The following CHTF18 variants were observed in gnomAD, a reference collection of about 807,000 sequenced individuals.
CHTF18 encodes the protein chromosome transmission fidelity factor 18.
CHTF18 carries 151 observed loss-of-function variants against 113.4 expected under a neutral mutation model. The ratio of observed to expected loss-of-function variants is 1.33; its 90% CI spans 1.17 to 1.52. The LOEUF is 1.52. CHTF18 is among the 40% of genes most tolerant of loss of function. The pLI is 0.00. For missense variants in CHTF18, 1,982 were observed against 1,381.6 expected, an observed-to-expected ratio of 1.43 and a Z score of -6.89; for synonymous variants, 916 against 598.8, an observed-to-expected ratio of 1.53 and a Z score of -7.74.
chr16:791,781 C>A, intron 8 of CHTF18, 70 bp from the exon 9 acceptor site: 1 of 1,525,448 alleles, frequency 6.6e-7, no homozygotes, highest in Admixed American at 2.1e-5. Context: ...ATGTGGCAGT[C>A]CCTGGCTGCT....
chr16:795,475 C>T, intron 16 of CHTF18, 119 bp downstream of exon 16: 2 of 442,286 alleles, frequency 4.5e-6, no homozygotes, highest in Non-Finnish European at 7.4e-6. Context: ...TGTGGCTGCC[C>T]CCGGCCCCGT....
rs1333968564 is a variant in CHTF18 at position 789,934 on chromosome 16, G to C, written c.606+219G>C. ...GTTTGTATGGCCTCGGGTGGAGAGG[G>C]CCTCCTTGCTTCCCCTCCTGCTTTT... On this transcript the variant is annotated intron_variant, in intron 4 of 21. Coordinates refer to ENST00000262315, the MANE Select transcript of CHTF18 (RefSeq NM_022092.3). 4.7e-6 allele frequency: 7 copies of C among 1,493,258 alleles called. 1 individual carries two copies. The East Asian group carries it at 1.8e-4, about 38-fold the overall frequency. 92.5% of individuals were successfully genotyped at this position (1,493,258 alleles called of 1,614,324 possible). A position where few individuals can be genotyped will look rare whatever the true frequency, so the allele number is the denominator to read the frequency against.
At position 792,698 on chromosome 16, in the gene CHTF18, G is replaced by T; in HGVS notation, c.1479-20G>T. ...TGTGGTGCCAACCCTGGGGTCCCTG[G>T]CCCTGCCGCCTCTCCTCAGGTTCGC... On this transcript the variant is annotated intron_variant, in intron 11 of 21. Coordinates refer to ENST00000262315, the MANE Select transcript of CHTF18 (RefSeq NM_022092.3). 1 of 1,572,986 alleles carries T rather than the reference G, an allele frequency of 6.4e-7. No individual in the cohort carries two copies. The highest frequency in any genetic ancestry group is 8.6e-7 in the Non-Finnish European group (1 of 1,164,298).
rs1415750496 is a variant in CHTF18 at position 790,856 on chromosome 16, G to A, written c.894+190G>A. On this transcript the variant is annotated intron_variant, in intron 7 of 21. Coordinates refer to ENST00000262315, the MANE Select transcript of CHTF18 (RefSeq NM_022092.3). ...GTGCTACTGGTCCCCTGTGACCTGT[G>A]AGGCAGGCTAGGGGTCCAGGGTGTC... is the stretch of plus-strand genomic sequence containing the variant. 3 of 1,431,010 alleles carry A rather than the reference G, an allele frequency of 2.1e-6. No individual in the cohort carries two copies. The African/African-American group carries it at 4.3e-5, about 21-fold the overall frequency. The allele number at this position is 1,431,010 out of a possible 1,614,324, so 88.6% of individuals were successfully genotyped here. A position where few individuals can be genotyped will look rare whatever the true frequency, so the allele number is the denominator to read the frequency against.
In CHTF18 at chr16:796,987, G is replaced by A. The variant is rs775773074; in HGVS notation, c.2628G>A (p.Glu876=). 18 of 1,536,406 alleles carry A rather than the reference G, an allele frequency of 1.2e-5. No homozygotes were observed. In the African/African-American group the frequency reaches 2.5e-4, roughly 21 times the overall value. ...TGGATGGGAGCCCCCCAGGGCTCGA[G>A]GGTCTGCTGGGGGGCATTGGGGAGA... is the stretch of plus-strand genomic sequence containing the variant. The part of the protein sequence containing the change: ...PQVDGSPPGL[E]GLLGGIGEKG... The change falls in exon 20 of 22, where the codon GAG becomes GAA. Residue 876 remains glutamate (E), a synonymous_variant. Transcript: ENST00000262315.
At chr16:794,392 C>T (rs1488355247) in intron 15 of CHTF18, among the ~76,000 whole-genome samples, 191 bp downstream of exon 15, 6 of 151,934 alleles carry the variant, frequency 3.9e-5, no homozygotes, top group African/African-American at 7.3e-5. Context: ...GGAGGGGCTG[C>T]AGGGCACGGG....
intron 15 of CHTF18, chr16:794,554 G>A (rs1159003460): frequency 3.0e-6 from 1 of 331,718 alleles, no homozygotes; most frequent in Non-Finnish European, 5.6e-6. Context: ...TGCACATGGG[G>A]TGGAGAGCAG....
rs752341184 is a variant in CHTF18, at chr16:797,981, T to C, written c.*6T>C. On this transcript the variant is annotated 3_prime_UTR_variant, in exon 22 of 22. Coordinates refer to ENST00000262315, the MANE Select transcript of CHTF18 (RefSeq NM_022092.3). ...ACATCAGGGACTTGCTCTAGTTCTC[T>C]GAGCCGCGGACATGCCCTCGCATTG... is the stretch of plus-strand genomic sequence containing the variant. 2.5e-6 allele frequency: 4 copies of C among 1,607,738 alleles called. No individual in the cohort carries two copies. The highest frequency in any genetic ancestry group is 2.5e-6 in the Non-Finnish European group (3 of 1,176,818).
rs1596759092 is a variant in CHTF18, at chr16:792,873, G to T, written c.1572+62G>T. 3.3e-6 allele frequency: 5 copies of T among 1,530,192 alleles called. No individual in the cohort carries two copies. The East Asian group carries it at 1.2e-4, about 38-fold the overall frequency. The allele number at this position is 1,530,192 out of a possible 1,614,324, so 94.8% of individuals were successfully genotyped here. On this transcript the variant is annotated intron_variant, in intron 12 of 21. Transcript: ENST00000262315. ...GGGTTGGGGGCGTGGCCTCGTTCTGGCCCCTGTTTCCCTGCCCCTCCCCAT... is the reference window on the plus strand; with the variant it reads ...GGGTTGGGGGCGTGGCCTCGTTCTGTCCCCTGTTTCCCTGCCCCTCCCCAT...
intron 18 of CHTF18, 37 bp from the exon 19 acceptor site, chr16:796,680 C>T (rs200064373): frequency 6.5e-7 from 1 of 1,549,532 alleles, no homozygotes; most frequent in Non-Finnish European, 8.7e-7. Flanking sequence ...GAGCCTGGCC[C>T]CGCTGACCTG....
In CHTF18 at chr16:796,762, G is replaced by T; in HGVS notation, c.2502G>T (p.Lys834Asn). ...LCRFPELPAR[K>N]PLTYQTKQLI... is the part of the protein sequence containing the mutation. ...GCTTCCCTGAGCTGCCTGCCCGCAA[G>T]CCCCTCACCTACCAGACGAAGCAGC... The change falls in exon 19 of 22, where the codon AAG becomes AAT. Residue 834 changes from lysine (K) to asparagine (N), a missense_variant. Lys to Asn is a moderately conservative substitution (Grantham distance 94). Transcript: ENST00000262315. 1 of 1,608,232 alleles carries T rather than the reference G, an allele frequency of 6.2e-7. No individual in the cohort carries two copies. Among genetic ancestry groups the T allele is most frequent in the Non-Finnish European group, 8.5e-7 (1 of 1,179,580 alleles).
chr16:794,061 G>A lies in CHTF18; in HGVS notation c.1810G>A (p.Val604Met). 6.2e-7 allele frequency: 1 copy of A among 1,610,622 alleles called. No homozygotes were observed. The highest frequency in any genetic ancestry group is 1.1e-5 in the South Asian group (1 of 90,996). ...FQLPRAQRRRVGQDPALPADT... is the reference protein window; with the variant it reads ...FQLPRAQRRRMGQDPALPADT... Reference sequence around the variant, plus strand: ...TCAGCACCCCACCTGCAGGCGCCGTGTGGGCCAGGACCCCGCCCTGCCTGC... The same window carrying A: ...TCAGCACCCCACCTGCAGGCGCCGTATGGGCCAGGACCCCGCCCTGCCTGC... Residue 604 changes from valine to methionine, a missense_variant, in exon 15 of 22, where the codon GTG becomes ATG. Coordinates refer to ENST00000262315, the MANE Select transcript of CHTF18 (RefSeq NM_022092.3).
intron 9 of CHTF18, 38 bp from the exon 10 acceptor site, chr16:792,186 G>C (rs769491653): frequency 6.5e-7 from 1 of 1,547,442 alleles, no homozygotes; most frequent in Middle Eastern, 1.7e-4. Context: ...TGCCAGGGAC[G>C]CCCACTGCCC....
chr16:796,798 C>A lies in CHTF18; in HGVS notation c.2538C>A (p.Arg846=), dbSNP rs742317. The A allele has an allele frequency of 9.3e-6, 15 of 1,611,096 alleles. No individual in the cohort carries two copies. In the South Asian group the frequency reaches 1.5e-4, roughly 17 times the overall value. ...LTYQTKQLIA[R]EIEVEKMRRA... ...ACCAGACGAAGCAGCTCATCGCCCG[C>A]GAGATCGAGGTGGAGAAGATGCGGC... The change falls in exon 19 of 22, where the codon CGC becomes CGA. Residue 846 remains arginine (R), a synonymous_variant. Transcript: ENST00000262315.
At position 792,532 on chromosome 16, in the gene CHTF18, C is replaced by T. The variant is rs369025596; in HGVS notation, c.1420C>T (p.Arg474Trp). ...GPAVPSGGGR[R>W]RRAEGGLLMR... Reference sequence around the variant, plus strand: ...GGCTGTGCCTTCGGGAGGCGGCCGACGGCGCCGGGCAGAGGGGGGGCTCCT... The same window carrying T: ...GGCTGTGCCTTCGGGAGGCGGCCGATGGCGCCGGGCAGAGGGGGGGCTCCT... The change falls in exon 11 of 22, where the codon CGG becomes TGG. Residue 474 changes from arginine to tryptophan, a missense_variant. Arg to Trp is a moderately radical substitution (Grantham distance 101, BLOSUM62 -3). Coordinates refer to ENST00000262315, the MANE Select transcript of CHTF18 (RefSeq NM_022092.3). The T allele has an allele frequency of 2.1e-5, 33 of 1,595,254 alleles. No individual in the cohort carries two copies. The highest frequency in any genetic ancestry group is 1.0e-4 in the South Asian group (9 of 88,688).
chr16:797,661 C>G, intron 20 of CHTF18, 33 bp from the exon 21 acceptor site: 2 of 1,609,874 alleles, frequency 1.2e-6, no homozygotes, highest in Non-Finnish European at 1.7e-6. Context: ...GGGCATCTGT[C>G]CTATACGACT....
At chr16:788,878 C>T in intron 1 of CHTF18, 53 bp from the exon 2 acceptor site, 1 of 1,503,348 alleles carries the variant, frequency 6.7e-7, no homozygotes, top group Non-Finnish European at 8.8e-7. Context: ...CACGTCGCCG[C>T]TGGCGGGATC....
At position 797,939 on chromosome 16, in the gene CHTF18, C is replaced by T. The variant is rs192540609; in HGVS notation, c.2892C>T (p.Ala964=). ...WFRFNEGVSN[A]VRRSLYIRDL... ...GCTTCAACGAGGGTGTCTCCAACGC[C>T]GTGCGGCGCAGCCTGTACATCAGGG... is the stretch of plus-strand genomic sequence containing the variant. Residue 964 remains alanine, a synonymous_variant, in exon 22 of 22, where the codon GCC becomes GCT. Transcript: ENST00000262315. 4.8e-5 allele frequency: 78 copies of T among 1,612,390 alleles called. No homozygotes were observed. The highest frequency in any genetic ancestry group is 1.7e-4 in the Middle Eastern group (1 of 6,056).
chr16:794,073 C>G lies in CHTF18; in HGVS notation c.1822C>G (p.Pro608Ala). ...CTGCAGGCGCCGTGTGGGCCAGGAC[C>G]CCGCCCTGCCTGCTGACACACTCCT... The part of the protein sequence containing the change: ...RAQRRRVGQD[P>A]ALPADTLLLG... The change falls in exon 15 of 22, where the codon CCC becomes GCC. Residue 608 changes from proline (P) to alanine (A), a missense_variant. Coordinates refer to ENST00000262315, the MANE Select transcript of CHTF18 (RefSeq NM_022092.3). 1 of 1,611,612 alleles carries G rather than the reference C, an allele frequency of 6.2e-7. No homozygotes were observed. Among genetic ancestry groups the G allele is most frequent in the East Asian group, 2.2e-5 (1 of 44,848 alleles).
Sources: gnomAD v4.1 joint callset for allele counts (sites outside exome capture counted in the v4.1 genomes callset) on GRCh38, gnomAD v4.1.1 for gene constraint, MANE v1.5 for transcripts, NCBI Gene and HGNC (gene_info 2026-07-23, HGNC 2026-07-21) for gene names.